APPL1: variants seen among roughly 807,000 people sequenced by gnomAD.
APPL1 encodes adaptor protein, phosphotyrosine interacting with PH domain and leucine zipper 1.
In APPL1, 42 loss-of-function variants were observed where a neutral mutation model predicts 106.8. That is an observed-to-expected ratio of 0.39 (90% CI 0.31 to 0.51). The LOEUF is 0.51. Ranked by LOEUF, APPL1 falls within the 20% of genes least tolerant of loss-of-function variation. The pLI, the probability that APPL1 is intolerant of heterozygous loss-of-function variation, is 0.75. For synonymous variants in APPL1, 263 were observed against 281.8 expected (o/e 0.93, Z 0.67); for missense variants, 769 against 858.2 (o/e 0.90, Z 1.30).
intron 13 of APPL1, among the ~76,000 whole-genome samples, chr3:57,254,461 A>G (rs1400624892): frequency 6.6e-6 from 1 of 152,200 alleles, no homozygotes; most frequent in Non-Finnish European, 1.5e-5. Flanking sequence ...AATAGTTTTG[A>G]GAATATTAAG....
At chr3:57,268,695 A>G in intron 21 of APPL1, 1 of 361,414 alleles carries the variant, frequency 2.8e-6, no homozygotes, top group Admixed American at 4.8e-5. Context: ...ATGTAATATG[A>G]CTGTTTCAAA....
Position 57,240,225 on chromosome 3 carries a change from G to C in APPL1, c.286-240G>C, listed in dbSNP as rs957530265. Among the ~76,000 whole-genome samples the C allele has an allele frequency of 3.5e-5, 5 of 141,078 alleles. No individual in the cohort carries two copies. In the Admixed American group the frequency reaches 3.6e-4, roughly 10 times the overall value. 92.6% of individuals were successfully genotyped at this position (141,078 alleles called of 152,430 possible). A position where few individuals can be genotyped will look rare whatever the true frequency, so the allele number is the denominator to read the frequency against. ...CATTATATATTTTCTCTTGTTCCTT[G>C]TGCTTTTAGTGTCATATGCAAGAAA... On this transcript the variant is annotated intron_variant, in intron 4 of 21. Transcript: ENST00000288266.
chr3:57,241,786 C>G (rs531679341), intron 5 of APPL1, among the ~76,000 whole-genome samples: 1 of 152,206 alleles, frequency 6.6e-6, no homozygotes, highest in Admixed American at 6.5e-5. Context: ...TATTTAGATT[C>G]ATATATCAAA....
At chr3:57,249,319 G>A (rs1017496277) in intron 10 of APPL1, 41 bp from the exon 11 acceptor site, 3 of 1,605,892 alleles carry the variant, frequency 1.9e-6, no homozygotes, top group Non-Finnish European at 2.6e-6. Context: ...GAGATTTCAG[G>A]TATGTTGTTA....
At chr3:57,239,010 T>G (rs190725026) in intron 4 of APPL1, among the ~76,000 whole-genome samples, 2 of 152,342 alleles carry the variant, frequency 1.3e-5, no homozygotes, top group Admixed American at 1.3e-4. Flanking sequence ...CACAGTTCCA[T>G]GTGGCTGGGG....
chr3:57,254,242 C>A (rs568377900), intron 13 of APPL1, among the ~76,000 whole-genome samples: 2 of 152,192 alleles, frequency 1.3e-5, no homozygotes, highest in African/African-American at 4.8e-5. Flanking sequence ...GATACTCAGT[C>A]AACCAACAAA....
chr3:57,242,226 A>G (rs2060749870), intron 6 of APPL1, 84 bp downstream of exon 6: 3 of 1,052,296 alleles, frequency 2.9e-6, no homozygotes, highest in Non-Finnish European at 2.7e-6. Context: ...TCTTTGTAAT[A>G]ATTGAAAAAA....
chr3:57,235,684 C>T lies in APPL1; in HGVS notation c.153+20C>T. On this transcript the variant is annotated intron_variant, in intron 2 of 21. Transcript: ENST00000288266. ...GCACAGGTAAAACACTAAGGACTAACTTGATGCTTTTAAAACACGAATCTT... is the reference window on the plus strand; with the variant it reads ...GCACAGGTAAAACACTAAGGACTAATTTGATGCTTTTAAAACACGAATCTT... 6.4e-7 allele frequency: 1 copy of T among 1,563,808 alleles called. No homozygotes were observed. The highest frequency in any genetic ancestry group is 1.1e-5 in the South Asian group (1 of 88,378).
At position 57,232,549 on chromosome 3, in the gene APPL1, T is replaced by C. The variant is rs376838624; in HGVS notation, c.55-3017T>C. Among the ~76,000 whole-genome samples the C allele has an allele frequency of 2.6e-5, 4 of 152,202 alleles. No individual in the cohort carries two copies. The East Asian group carries it at 7.7e-4, about 29-fold the overall frequency. ...AACCTTCTTTTGACACCTGGTGAGA[T>C]GTCAAATGACATCATCAAAATTTGC... On this transcript the variant is annotated intron_variant, in intron 1 of 21. Coordinates refer to ENST00000288266, the MANE Select transcript of APPL1 (RefSeq NM_012096.3).
At position 57,235,620 on chromosome 3, in the gene APPL1, A is replaced by G. The variant is rs1195723547; in HGVS notation, c.109A>G (p.Met37Val). 1.9e-5 allele frequency: 30 copies of G among 1,613,498 alleles called. No individual in the cohort carries two copies. Among genetic ancestry groups the G allele is most frequent in the Non-Finnish European group, 2.4e-5 (28 of 1,179,654 alleles). The change falls in exon 2 of 22, where the codon ATG becomes GTG. Residue 37 changes from methionine (M) to valine (V), a missense_variant. Transcript: ENST00000288266. ...EEDATAISNYMNQLYQAMHRI... is the reference protein window; with the variant it reads ...EEDATAISNYVNQLYQAMHRI... ...AGATGCCACAGCTATTTCCAACTAT[A>G]TGAACCAGTTGTATCAAGCTATGCA...
intron 1 of APPL1, among the ~76,000 whole-genome samples, chr3:57,232,726 G>A (rs747578452): frequency 6.6e-5 from 10 of 152,088 alleles, no homozygotes; most frequent in African/African-American, 1.7e-4. Flanking sequence ...TCATGGGCCC[G>A]GTGCGGTGGC....
chr3:57,235,538 A>T (rs1417003697), intron 1 of APPL1, 28 bp from the exon 2 acceptor site: 2 of 1,432,858 alleles, frequency 1.4e-6, no homozygotes, highest in Non-Finnish European at 1.9e-6. Context: ...AATGATTAAC[A>T]TAAACTTATT....
intron 21 of APPL1, 198 bp downstream of exon 21, chr3:57,268,685 A>G (rs1189930248): frequency 7.4e-6 from 3 of 406,398 alleles, no homozygotes; most frequent in Non-Finnish European, 1.2e-5. Context: ...TTACGTTGAC[A>G]TGTAATATGA....
chr3:57,238,177 T>G, intron 4 of APPL1, 61 bp downstream of exon 4: 1 of 1,255,732 alleles, frequency 8.0e-7, no homozygotes, highest in Non-Finnish European at 1.1e-6. Context: ...CCCAGTTGCT[T>G]AGCTTTTATT....
Position 57,249,524 on chromosome 3 carries a change from A to T in APPL1, c.1028A>T (p.Gln343Leu). Residue 343 changes from glutamine (Q) to leucine (L), a missense_variant, in exon 11 of 22, where the codon CAG (glutamine) becomes CTG (leucine). Coordinates refer to ENST00000288266, the MANE Select transcript of APPL1 (RefSeq NM_012096.3). Reference protein sequence around the residue: ...VDCEDRRYCFQITSFDGKKSS... With the variant: ...VDCEDRRYCFLITSFDGKKSS... ...TGTGAAGACAGACGATATTGTTTTCAGATCACCTCTTTCGATGGAAAAAAG... is the reference window on the plus strand; with the variant it reads ...TGTGAAGACAGACGATATTGTTTTCTGATCACCTCTTTCGATGGAAAAAAG... 1 of 1,591,698 alleles carries T rather than the reference A, an allele frequency of 6.3e-7. No homozygotes were observed.
intron 16 of APPL1, 137 bp downstream of exon 16, chr3:57,259,217 A>G: frequency 1.5e-6 from 1 of 650,030 alleles, no homozygotes; most frequent in East Asian, 2.9e-5. Flanking sequence ...CTACTTACTT[A>G]TAGTACACTT....
At chr3:57,247,175 C>G (rs943436123) in intron 8 of APPL1, among the ~76,000 whole-genome samples, 1 of 151,974 alleles carries the variant, frequency 6.6e-6, no homozygotes. Flanking sequence ...TGTTCCAATT[C>G]AAAAAATATA....
chr3:57,229,603 C>T (rs1185467400), intron 1 of APPL1, among the ~76,000 whole-genome samples: 1 of 149,844 alleles, frequency 6.7e-6, no homozygotes, highest in Non-Finnish European at 1.5e-5. Context: ...CAGACACTAT[C>T]GTAGTGCACT....
At chr3:57,229,055 C>T (rs2060670378) in intron 1 of APPL1, among the ~76,000 whole-genome samples, 1 of 152,116 alleles carries the variant, frequency 6.6e-6, no homozygotes, top group African/African-American at 2.4e-5. Flanking sequence ...CTTTTTTATT[C>T]TGAAAGTTAT....
Sources: gnomAD v4.1 joint callset for allele counts (sites outside exome capture counted in the v4.1 genomes callset) on GRCh38, gnomAD v4.1.1 for gene constraint, MANE v1.5 for transcripts, NCBI Gene and HGNC (gene_info 2026-07-23, HGNC 2026-07-21) for gene names.